The following VTI1A variants were observed in gnomAD, a reference collection of about 807,000 sequenced individuals.
The protein encoded by VTI1A is vesicle transport through interaction with t-SNAREs 1A.
A neutral mutation model predicts 34.9 loss-of-function variants in VTI1A; 22 were observed. The ratio of observed to expected loss-of-function variants is 0.63; its 90% CI spans 0.45 to 0.90. VTI1A has a LOEUF of 0.90. Ranked by LOEUF, VTI1A falls within the 40% of genes least tolerant of loss-of-function variation. The pLI, the probability that VTI1A is intolerant of heterozygous loss-of-function variation, is 0.00. For missense variants in VTI1A, 268 were observed against 275.6 expected (o/e 0.97, Z 0.20); for synonymous variants, 87 against 97.3 (o/e 0.89, Z 0.62).
chr10:112,615,076 C>A (rs1845466394), intron 5 of VTI1A, among the ~76,000 whole-genome samples: 2 of 151,848 alleles, frequency 1.3e-5, no homozygotes, highest in African/African-American at 2.4e-5. Flanking sequence ...TGAAAAAAAA[C>A]CTAAAAATCC....
chr10:112,697,255 G>A (rs58938011), intron 7 of VTI1A, among the ~76,000 whole-genome samples: 1,841 of 150,370 alleles, frequency 0.012, 34 homozygotes, highest in African/African-American at 0.041. Flanking sequence ...GTGCAATGGC[G>A]CTGTCTCGGC....
chr10:112,587,688 A>G (rs1844214231), intron 5 of VTI1A, among the ~76,000 whole-genome samples: 1 of 152,216 alleles, frequency 6.6e-6, no homozygotes, highest in Non-Finnish European at 1.5e-5. Context: ...AATATTAATT[A>G]GCAAATGTAC....
At chr10:112,468,268 A>G (rs1450337023) in intron 3 of VTI1A, among the ~76,000 whole-genome samples, 1 of 152,216 alleles carries the variant, frequency 6.6e-6, no homozygotes, top group Non-Finnish European at 1.5e-5. Context: ...ATTTTACCAC[A>G]CCATCTCACA....
intron 7 of VTI1A, among the ~76,000 whole-genome samples, chr10:112,743,295 A>C (rs1395631541): frequency 6.6e-6 from 1 of 152,206 alleles, no homozygotes. Flanking sequence ...CTCTTACAAA[A>C]GATGAAACTC....
rs768896115 is a variant in VTI1A at position 112,527,080 on chromosome 10, TTTA to T, written c.265-5_265-3del. 2 of 1,612,302 alleles carry T rather than the reference TTTA, an allele frequency of 1.2e-6. No individual in the cohort carries two copies. The highest frequency in any genetic ancestry group is 1.7e-6 in the Non-Finnish European group (2 of 1,179,120). ...CTCACTCTCTCCCTTTTTGTTTTGTTTTATAGAAAAGGTCACGGATCGCCTACA... is the reference window on the plus strand; with the variant it reads ...CTCACTCTCTCCCTTTTTGTTTTGTTTAGAAAAGGTCACGGATCGCCTACA... On this transcript the variant is annotated splice_polypyrimidine_tract_variant and splice_region_variant and intron_variant, in intron 3 of 7. Coordinates refer to ENST00000393077, the MANE Select transcript of VTI1A (RefSeq NM_145206.4).
intron 3 of VTI1A, among the ~76,000 whole-genome samples, chr10:112,469,374 C>G (rs1235123173): frequency 2.6e-5 from 4 of 152,114 alleles, no homozygotes; most frequent in African/African-American, 9.7e-5. Flanking sequence ...TGTTCATGTA[C>G]TATGGCTCCT....
At chr10:112,772,271 T>C (rs140671116) in intron 7 of VTI1A, among the ~76,000 whole-genome samples, 52 of 152,362 alleles carry the variant, frequency 3.4e-4, no homozygotes, top group Non-Finnish European at 5.9e-4. Flanking sequence ...GGTATCTGAT[T>C]GTGGTTTTGA....
At chr10:112,636,067 G>C (rs889111935) in intron 5 of VTI1A, among the ~76,000 whole-genome samples, 1 of 152,198 alleles carries the variant, frequency 6.6e-6, no homozygotes, top group Non-Finnish European at 1.5e-5. Flanking sequence ...AATAATTATG[G>C]GTTGAGATGA....
intron 7 of VTI1A, among the ~76,000 whole-genome samples, chr10:112,790,847 C>T (rs1313834835): frequency 6.7e-6 from 1 of 149,644 alleles, no homozygotes; most frequent in Non-Finnish European, 1.5e-5. Context: ...TGGAAGTCCC[C>T]TGGTAGGAGG....
chr10:112,503,751 C>G, intron 3 of VTI1A, among the ~76,000 whole-genome samples: 1 of 152,280 alleles, frequency 6.6e-6, no homozygotes, highest in Middle Eastern at 3.4e-3. Flanking sequence ...TTGCTATCTA[C>G]GTGAAATAGT....
At chr10:112,579,204 C>T (rs1292393645) in intron 5 of VTI1A, among the ~76,000 whole-genome samples, 1 of 152,130 alleles carries the variant, frequency 6.6e-6, no homozygotes. Context: ...AAGAGGTGGA[C>T]ACTTATGTGT....
chr10:112,654,626 G>A (rs897010377), intron 5 of VTI1A, among the ~76,000 whole-genome samples: 1 of 152,056 alleles, frequency 6.6e-6, no homozygotes, highest in Non-Finnish European at 1.5e-5. Flanking sequence ...CCGAGTAGCT[G>A]GGACTACAGG....
At chr10:112,537,971 G>A (rs941950077) in intron 4 of VTI1A, among the ~76,000 whole-genome samples, 1 of 152,086 alleles carries the variant, frequency 6.6e-6, no homozygotes, top group Non-Finnish European at 1.5e-5. Flanking sequence ...TATGGTCTTC[G>A]TACTTTTCTC....
chr10:112,729,845 A>G (rs1026877901), intron 7 of VTI1A, among the ~76,000 whole-genome samples: 2 of 152,220 alleles, frequency 1.3e-5, no homozygotes, highest in African/African-American at 4.8e-5. Flanking sequence ...GCGCCTCTTC[A>G]GCGCTCTAGT....
intron 5 of VTI1A, among the ~76,000 whole-genome samples, chr10:112,651,273 G>A (rs534841794): frequency 2.6e-5 from 4 of 152,266 alleles, no homozygotes; most frequent in African/African-American, 7.2e-5. Flanking sequence ...GTCTTAATTG[G>A]TAGAAAAATA....
At chr10:112,736,292 T>G (rs900997375) in intron 7 of VTI1A, among the ~76,000 whole-genome samples, 14 of 152,036 alleles carry the variant, frequency 9.2e-5, no homozygotes, top group African/African-American at 3.4e-4. Flanking sequence ...CTTTCTTCAT[T>G]TATTTACTTG....
chr10:112,774,268 C>G (rs1373476218), intron 7 of VTI1A, among the ~76,000 whole-genome samples: 2 of 152,220 alleles, frequency 1.3e-5, no homozygotes, highest in Non-Finnish European at 2.9e-5. Flanking sequence ...TGCAGAGACA[C>G]AAAGGCATCT....
chr10:112,725,143 G>A (rs978709480), intron 7 of VTI1A, among the ~76,000 whole-genome samples: 4 of 152,186 alleles, frequency 2.6e-5, no homozygotes, highest in Admixed American at 6.5e-5. Flanking sequence ...AAATCAGGCT[G>A]CAAACACAGT....
At chr10:112,506,305 T>C (rs1339759472) in intron 3 of VTI1A, among the ~76,000 whole-genome samples, 3 of 152,182 alleles carry the variant, frequency 2.0e-5, no homozygotes, top group Non-Finnish European at 2.9e-5. Flanking sequence ...GTATATGTGG[T>C]TCATCATTGA....
Sources: gnomAD v4.1 joint callset for allele counts (sites outside exome capture counted in the v4.1 genomes callset) on GRCh38, gnomAD v4.1.1 for gene constraint, MANE v1.5 for transcripts, NCBI Gene and HGNC (gene_info 2026-07-23, HGNC 2026-07-21) for gene names.